CAST: variants seen among roughly 807,000 people sequenced by gnomAD.
The protein encoded by CAST is calpastatin.
A neutral mutation model predicts 119.6 loss-of-function variants in CAST; 76 were observed. The observed-to-expected ratio is 0.64, with a 90% CI of 0.53 to 0.77. The LOEUF (loss-of-function observed/expected upper bound fraction) is 0.77, where lower values mean the gene tolerates loss of function less well. Ranked by LOEUF, CAST falls within the 30% of genes least tolerant of loss-of-function variation. The probability of loss-of-function intolerance (pLI) is 0.00; values close to 1 mark genes in which losing one functional copy is unlikely to be tolerated. For missense variants in CAST, 953 were observed against 946.5 expected (o/e 1.01, Z -0.09); for synonymous variants, 319 against 331.6 (o/e 0.96, Z 0.41).
At chr5:96,403,343 C>T in the CAST span, among the ~76,000 whole-genome samples, 2 of 152,108 alleles carry the variant, frequency 1.3e-5, no homozygotes, top group African/African-American at 2.4e-5. Flanking sequence ...TACACATGTG[C>T]CATGTTGGTG....
chr5:96,662,584 G>C, intron 1 of CAST, 87 bp downstream of exon 1: 3 of 1,298,068 alleles, frequency 2.3e-6, no homozygotes, highest in Non-Finnish European at 1.9e-6. Flanking sequence ...GGCGTTGCCA[G>C]GCTGGCGGGT....
At chr5:96,448,158 T>C in the CAST span, among the ~76,000 whole-genome samples, 256 of 152,362 alleles carry the variant, frequency 1.7e-3, 1 homozygote, top group African/African-American at 6.0e-3. Context: ...TACTGCTCAT[T>C]GCTATCCTAG....
At chr5:96,001,517 G>A in the CAST span, among the ~76,000 whole-genome samples, 1 of 152,070 alleles carries the variant, frequency 6.6e-6, no homozygotes, top group Non-Finnish European at 1.5e-5. Flanking sequence ...GTGGTACAAA[G>A]GTGTATTTAC....
the CAST span, among the ~76,000 whole-genome samples, chr5:96,350,843 C>T: frequency 9.9e-5 from 15 of 152,222 alleles, no homozygotes; most frequent in East Asian, 2.5e-3. Flanking sequence ...AACACAACTG[C>T]GTAATTATCA....
At chr5:96,221,494 G>A in the CAST span, among the ~76,000 whole-genome samples, 2 of 151,804 alleles carry the variant, frequency 1.3e-5, no homozygotes, top group African/African-American at 4.8e-5. Flanking sequence ...AATCAACAAG[G>A]CAACCCCATT....
chr5:96,747,261 C>T (rs1452464123), intron 17 of CAST, 84 bp from the exon 18 acceptor site: 2 of 746,218 alleles, frequency 2.7e-6, no homozygotes, highest in East Asian at 2.6e-5. Context: ...ATTTCATATC[C>T]TGGAATTCCC....
At chr5:96,519,995 AT>A in the CAST span, among the ~76,000 whole-genome samples, 1 of 152,160 alleles carries the variant, frequency 6.6e-6, no homozygotes, top group Non-Finnish European at 1.5e-5. Flanking sequence ...ATGTTTTTGT[AT>A]TTAAATCCCT....
the CAST span, among the ~76,000 whole-genome samples, chr5:96,332,767 G>A: frequency 6.6e-6 from 1 of 152,220 alleles, no homozygotes; most frequent in African/African-American, 2.4e-5. Flanking sequence ...GCTCCACAAG[G>A]ACCTGCCGAG....
At chr5:96,521,950 C>A (rs1745524731), upstream of CAST, among the ~76,000 whole-genome samples, 1 of 152,068 alleles carries the variant, frequency 6.6e-6, no homozygotes, top group South Asian at 2.1e-4. Flanking sequence ...CCCATCTCTA[C>A]TAAAAATACA....
At chr5:96,036,374 G>C in the CAST span, among the ~76,000 whole-genome samples, 15 of 152,208 alleles carry the variant, frequency 9.9e-5, no homozygotes, top group East Asian at 2.9e-3. Flanking sequence ...ACTATGGACT[G>C]AATTTGGCCC....
the CAST span, among the ~76,000 whole-genome samples, chr5:96,251,699 T>G: frequency 1.3e-5 from 2 of 152,054 alleles, no homozygotes; most frequent in African/African-American, 2.4e-5. Flanking sequence ...CAAGTATAGT[T>G]GATAGCCAGA....
At chr5:96,593,310 C>G (rs1309473132) in intron 1 of CAST, among the ~76,000 whole-genome samples, 1 of 152,216 alleles carries the variant, frequency 6.6e-6, no homozygotes, top group Non-Finnish European at 1.5e-5. Context: ...TCTCTCTTCT[C>G]TCCATCTTGT....
chr5:96,176,554 A>G, the CAST span, among the ~76,000 whole-genome samples: 1 of 152,212 alleles, frequency 6.6e-6, no homozygotes, highest in Non-Finnish European at 1.5e-5. Flanking sequence ...GTTTGATGCA[A>G]TATGGAAGCA....
At chr5:96,068,566 C>T in the CAST span, among the ~76,000 whole-genome samples, 1 of 149,046 alleles carries the variant, frequency 6.7e-6, no homozygotes, top group Admixed American at 6.7e-5. Context: ...AGTCAGGGTT[C>T]TTCAGAGAAA....
the CAST span, chr5:96,399,950 T>C: frequency 6.2e-7 from 1 of 1,603,702 alleles, no homozygotes; most frequent in Non-Finnish European, 8.5e-7. Context: ...AGGAGATACT[T>C]ACCTGGGCTC....
chr5:96,750,936 A>G (rs1346348673), intron 20 of CAST, among the ~76,000 whole-genome samples: 3 of 152,148 alleles, frequency 2.0e-5, no homozygotes, highest in Admixed American at 6.5e-5. Context: ...TTCCTCAGCT[A>G]TTGTGGATAA....
chr5:96,760,736 G>A (rs762410668), intron 24 of CAST: 1 of 151,728 alleles, frequency 6.6e-6, no homozygotes, highest in Non-Finnish European at 1.5e-5. Context: ...GAAAAATAAG[G>A]ACACAAAAAA....
the CAST span, among the ~76,000 whole-genome samples, chr5:96,007,045 C>T: frequency 6.6e-6 from 1 of 152,172 alleles, no homozygotes; most frequent in Non-Finnish European, 1.5e-5. Flanking sequence ...GTGCTTCCAG[C>T]TTCCCTCAAT....
At chr5:96,412,780 C>A in the CAST span, 5 of 225,940 alleles carry the variant, frequency 2.2e-5, no homozygotes, top group African/African-American at 1.9e-4. Context: ...TTTTTTGGTC[C>A]CACTCAAGGC....
Sources: gnomAD v4.1 joint callset for allele counts (sites outside exome capture counted in the v4.1 genomes callset) on GRCh38, gnomAD v4.1.1 for gene constraint, MANE v1.5 for transcripts, NCBI Gene and HGNC (gene_info 2026-07-23, HGNC 2026-07-21) for gene names.